The following CPNE4 variants were observed in gnomAD, a reference collection of about 807,000 sequenced individuals.
CPNE4 encodes the protein copine 4.
CPNE4 carries 25 observed loss-of-function variants against 67.9 expected under a neutral mutation model. That is an observed-to-expected ratio of 0.37 (90% confidence interval 0.27 to 0.51). CPNE4 has a LOEUF of 0.51. Ranked by LOEUF, CPNE4 falls within the 20% of genes least tolerant of loss-of-function variation. CPNE4 has a pLI of 0.93. For missense variants in CPNE4, 464 were observed against 690.8 expected, an observed-to-expected ratio of 0.67 and a Z score of 3.68; for synonymous variants, 242 against 244.9, an observed-to-expected ratio of 0.99 and a Z score of 0.11.
At chr3:131,958,971 T>TAAGTTTCAA (rs1560682558) in intron 1 of CPNE4, among the ~76,000 whole-genome samples, 67 of 20,722 alleles carry the variant, frequency 3.2e-3, no homozygotes, top group South Asian at 9.6e-3. Flanking sequence ...TACACCTTTC[T>TAAGTTTCAA]TTTTTTTTTT....
At chr3:131,758,805 G>A (rs929530212) in intron 2 of CPNE4, among the ~76,000 whole-genome samples, 1 of 152,080 alleles carries the variant, frequency 6.6e-6, no homozygotes, top group Non-Finnish European at 1.5e-5. Flanking sequence ...TCGTGATAGT[G>A]AATAAGTATC....
intron 2 of CPNE4, among the ~76,000 whole-genome samples, chr3:131,787,919 A>C (rs998532586): frequency 1.3e-5 from 2 of 152,140 alleles, no homozygotes; most frequent in African/African-American, 2.4e-5. Flanking sequence ...TAAGAACCAC[A>C]GGAAAAAGGA....
intron 2 of CPNE4, among the ~76,000 whole-genome samples, chr3:131,749,657 T>C (rs2082576280): frequency 6.6e-6 from 1 of 152,174 alleles, no homozygotes; most frequent in Non-Finnish European, 1.5e-5. Flanking sequence ...ACATTTAAGA[T>C]TGTTATGTCT....
At chr3:131,879,626 T>G (rs530459075) in intron 2 of CPNE4, among the ~76,000 whole-genome samples, 1 of 152,164 alleles carries the variant, frequency 6.6e-6, no homozygotes, top group South Asian at 2.1e-4. Flanking sequence ...ATCGGCCCCC[T>G]ATGATGACTA....
chr3:131,596,834 T>C (rs1474013300), intron 7 of CPNE4, among the ~76,000 whole-genome samples: 3 of 152,058 alleles, frequency 2.0e-5, no homozygotes, highest in African/African-American at 7.2e-5. Flanking sequence ...ATTTTGGACT[T>C]GCCTAGCCAG....
At chr3:131,552,164 A>ATTC (rs1331494574) in intron 13 of CPNE4, among the ~76,000 whole-genome samples, 2 of 151,766 alleles carry the variant, frequency 1.3e-5, no homozygotes, top group African/African-American at 4.8e-5. Flanking sequence ...TATTATTATT[A>ATTC]TTATTATGGC....
chr3:131,741,837 G>A (rs9850812), intron 2 of CPNE4, among the ~76,000 whole-genome samples: 32,766 of 152,074 alleles, frequency 0.22, 4,289 homozygotes, highest in Non-Finnish European at 0.28. Context: ...GCCACAGCCT[G>A]CTCATGTAAC....
intron 2 of CPNE4, among the ~76,000 whole-genome samples, chr3:131,803,347 G>A (rs965091613): frequency 5.3e-5 from 8 of 152,296 alleles, no homozygotes; most frequent in African/African-American, 1.9e-4. Context: ...TCTCTGTCCA[G>A]CTTTCTAATA....
At chr3:131,779,159 T>C (rs1349654301) in intron 2 of CPNE4, among the ~76,000 whole-genome samples, 12 of 151,922 alleles carry the variant, frequency 7.9e-5, no homozygotes, top group Non-Finnish European at 4.4e-5. Context: ...CTGAGAATTA[T>C]AAAACACTGC....
chr3:131,900,683 C>G (rs2088521154), intron 2 of CPNE4, among the ~76,000 whole-genome samples: 1 of 151,964 alleles, frequency 6.6e-6, no homozygotes, highest in Admixed American at 6.6e-5. Flanking sequence ...TGCTTTTTCA[C>G]AGAGCTATTA....
chr3:131,900,517 AG>A (rs1386248338), intron 2 of CPNE4, among the ~76,000 whole-genome samples: 1 of 152,080 alleles, frequency 6.6e-6, no homozygotes, highest in Non-Finnish European at 1.5e-5. Flanking sequence ...AAAAGATTTA[AG>A]TCAAGATTTC....
At chr3:131,953,258 A>AAAAT (rs2071833989) in intron 1 of CPNE4, among the ~76,000 whole-genome samples, 1 of 136,192 alleles carries the variant, frequency 7.3e-6, no homozygotes, top group African/African-American at 2.5e-5. Flanking sequence ...AAAAAAAAAA[A>AAAAT]AAAAAAAAGA....
chr3:131,827,940 T>C (rs1464984036), intron 2 of CPNE4, among the ~76,000 whole-genome samples: 1 of 152,032 alleles, frequency 6.6e-6, no homozygotes, highest in Admixed American at 6.5e-5. Flanking sequence ...CATTATGCTC[T>C]TCACAAAGAG....
chr3:131,993,584 C>A (rs2073223818), intron 1 of CPNE4, among the ~76,000 whole-genome samples: 1 of 132,966 alleles, frequency 7.5e-6, no homozygotes. Flanking sequence ...TAAAGTGCAG[C>A]AGAAGCAGAA....
At chr3:131,874,488 C>G (rs2087356029) in intron 2 of CPNE4, among the ~76,000 whole-genome samples, 1 of 152,176 alleles carries the variant, frequency 6.6e-6, no homozygotes, top group South Asian at 2.1e-4. Flanking sequence ...CAGCCCAGGC[C>G]TGAAAACTCT....
At chr3:131,699,878 G>GTC in intron 4 of CPNE4, 31 bp downstream of exon 4, 1 of 1,595,868 alleles carries the variant, frequency 6.3e-7, no homozygotes, top group South Asian at 1.1e-5. Context: ...CTCCACTCAG[G>GTC]CAGACAGCTG....
intron 1 of CPNE4, among the ~76,000 whole-genome samples, chr3:132,018,863 A>T (rs1170835940): frequency 6.6e-6 from 1 of 152,244 alleles, no homozygotes; most frequent in African/African-American, 2.4e-5. Context: ...ATATTTAAGC[A>T]TGCCCTAATA....
At chr3:132,012,993 C>T (rs886639455) in intron 1 of CPNE4, among the ~76,000 whole-genome samples, 11 of 152,104 alleles carry the variant, frequency 7.2e-5, no homozygotes, top group South Asian at 2.1e-4. Context: ...GAGGCTGAGG[C>T]GGGTGGATCA....
At chr3:131,879,154 GTGTT>G (rs59189582) in intron 2 of CPNE4, among the ~76,000 whole-genome samples, 49,272 of 151,922 alleles carry the variant, frequency 0.32, 8,507 homozygotes, top group African/African-American at 0.43. Flanking sequence ...CATACTCAGA[GTGTT>G]TGTTAGTTTG....
Sources: allele counts gnomAD v4.1 joint callset (sites outside exome capture counted in the v4.1 genomes callset), GRCh38; gene constraint gnomAD v4.1.1; transcripts MANE v1.5; gene names NCBI Gene and HGNC (gene_info 2026-07-23, HGNC 2026-07-21).